THSD4: variants seen among roughly 807,000 people sequenced by gnomAD.
THSD4 encodes the protein thrombospondin type-1 domain-containing protein 4.
In THSD4, 69 loss-of-function variants were observed where a neutral mutation model predicts 119.0. The ratio of observed to expected loss-of-function variants is 0.58; its 90% CI spans 0.48 to 0.71. The LOEUF is 0.71. Ranked by LOEUF, THSD4 falls within the 30% of genes least tolerant of loss-of-function variation. The probability of loss-of-function intolerance (pLI) is 0.00; values close to 1 mark genes in which losing one functional copy is unlikely to be tolerated. For synonymous variants in THSD4, 524 were observed against 540.4 expected, an observed-to-expected ratio of 0.97 and a Z score of 0.42; for missense variants, 1,393 against 1,391.1, an observed-to-expected ratio of 1.00 and a Z score of -0.02.
chr15:71,158,146 A>G (rs1388977639), intron 3 of THSD4, among the ~76,000 whole-genome samples: 2 of 118,832 alleles, frequency 1.7e-5, no homozygotes, highest in African/African-American at 3.1e-5. Context: ...ACCAACACTT[A>G]TCTTTTTTTT....
At chr15:71,407,133 C>T (rs1172019846) in intron 6 of THSD4, among the ~76,000 whole-genome samples, 2 of 152,212 alleles carry the variant, frequency 1.3e-5, no homozygotes, top group Non-Finnish European at 2.9e-5. Flanking sequence ...GCTACTCTAG[C>T]TGCCTTTTGC....
chr15:71,488,720 C>A (rs2047862557), intron 7 of THSD4, among the ~76,000 whole-genome samples: 1 of 151,884 alleles, frequency 6.6e-6, no homozygotes, highest in Non-Finnish European at 1.5e-5. Flanking sequence ...TTTTATGATT[C>A]TTTTCATTTA....
At chr15:71,636,610 A>G (rs1182738360) in intron 7 of THSD4, among the ~76,000 whole-genome samples, 1 of 151,848 alleles carries the variant, frequency 6.6e-6, no homozygotes, top group Non-Finnish European at 1.5e-5. Context: ...AGCTCCCACC[A>G]CCTTCCGCTA....
intron 7 of THSD4, among the ~76,000 whole-genome samples, chr15:71,545,088 T>C (rs540853919): frequency 3.3e-5 from 5 of 152,334 alleles, no homozygotes; most frequent in African/African-American, 9.6e-5. Context: ...TGAATAGTGG[T>C]GATGGCTGCA....
intron 8 of THSD4, among the ~76,000 whole-genome samples, chr15:71,677,387 A>C (rs4776566): frequency 0.17 from 25,732 of 152,234 alleles, 2,333 homozygotes; most frequent in African/African-American, 0.24. Context: ...ACTCTTGTCC[A>C]GAACCAAATA....
chr15:71,665,564 T>C (rs2051401240), intron 8 of THSD4, among the ~76,000 whole-genome samples: 1 of 152,206 alleles, frequency 6.6e-6, no homozygotes, highest in South Asian at 2.1e-4. Context: ...CATCATGAAA[T>C]CCTTGCTAGT....
At chr15:71,266,979 A>T (rs1407716719) in intron 6 of THSD4, among the ~76,000 whole-genome samples, 1 of 152,164 alleles carries the variant, frequency 6.6e-6, no homozygotes, top group Non-Finnish European at 1.5e-5. Context: ...GACCAAACCT[A>T]TGTTTGATTG....
rs564158059 is a variant in THSD4, at chr15:71,334,781, G to A, written c.1016-76906G>A. Among the ~76,000 whole-genome samples, 10 of 152,320 alleles carry A rather than the reference G, an allele frequency of 6.6e-5. No individual in the cohort carries two copies. The East Asian group carries it at 1.9e-3, about 29-fold the overall frequency. The stretch of plus-strand genomic sequence containing the variant: ...ATGTTTGTTGCAGGATAGACCTGTG[G>A]CCCTCATAGTGCTCAGAACTGTCAG... On this transcript the variant is annotated intron_variant, in intron 6 of 17. Coordinates refer to ENST00000261862, the MANE Select transcript of THSD4 (RefSeq NM_024817.3).
chr15:71,529,252 G>A (rs988759729), intron 7 of THSD4, among the ~76,000 whole-genome samples: 11 of 152,184 alleles, frequency 7.2e-5, no homozygotes, highest in African/African-American at 2.7e-4. Context: ...AGCTCTTCAT[G>A]TTAAGCCATG....
intron 7 of THSD4, among the ~76,000 whole-genome samples, chr15:71,559,570 T>TC (rs2049078656): frequency 6.6e-6 from 1 of 151,846 alleles, no homozygotes; most frequent in Non-Finnish European, 1.5e-5. Flanking sequence ...TCCTCCTTTT[T>TC]TTTTTTGCAA....
chr15:71,198,786 C>A lies in THSD4; in HGVS notation c.100-16249C>A, dbSNP rs1250340514. On this transcript the variant is annotated intron_variant, in intron 3 of 17. Coordinates refer to ENST00000261862, the MANE Select transcript of THSD4 (RefSeq NM_024817.3). ...ATGCATGTGGGGACACTCCACCATT[C>A]ACTGAAAGGGATGATCCCTATGTCT... Among the ~76,000 whole-genome samples the A allele has an allele frequency of 2.6e-5, 4 of 152,226 alleles. No individual in the cohort carries two copies. In the East Asian group the frequency reaches 7.7e-4, roughly 29 times the overall value.
intron 11 of THSD4, among the ~76,000 whole-genome samples, chr15:71,743,232 C>G (rs2053270526): frequency 6.6e-6 from 1 of 152,064 alleles, no homozygotes; most frequent in Non-Finnish European, 1.5e-5. Context: ...CCCATCTTCC[C>G]AAGACACAGA....
At chr15:71,260,100 G>GGTA (rs1323411083) in intron 6 of THSD4, among the ~76,000 whole-genome samples, 4 of 152,154 alleles carry the variant, frequency 2.6e-5, no homozygotes, top group Admixed American at 1.3e-4. Flanking sequence ...CTTGAGGTCT[G>GGTA]GTAGATGCAG....
chr15:71,474,721 A>G (rs972241746), intron 7 of THSD4, among the ~76,000 whole-genome samples: 11 of 152,202 alleles, frequency 7.2e-5, no homozygotes, highest in Non-Finnish European at 1.3e-4. Context: ...GTTCAGCCCC[A>G]CATGAGACAG....
At chr15:71,394,465 G>GT (rs1317202289) in intron 6 of THSD4, among the ~76,000 whole-genome samples, 6 of 152,074 alleles carry the variant, frequency 3.9e-5, no homozygotes, top group African/African-American at 1.4e-4. Flanking sequence ...TAGAGACGGT[G>GT]TTTCACCATG....
chr15:71,321,020 C>A (rs2045260234), intron 6 of THSD4, among the ~76,000 whole-genome samples: 1 of 152,138 alleles, frequency 6.6e-6, no homozygotes, highest in African/African-American at 2.4e-5. Flanking sequence ...AACGTTAAAA[C>A]ATTTAAACAG....
chr15:71,459,854 A>T lies in THSD4; in HGVS notation c.1152+48031A>T, dbSNP rs543620551. Among the ~76,000 whole-genome samples the T allele has an allele frequency of 2.0e-3, 297 of 152,304 alleles. 17 individuals are homozygous for T. The South Asian group carries it at 0.06, about 31-fold the overall frequency. Reference sequence around the variant, plus strand: ...TCTAGGGAGATGAGGTATTAGGCAGATAAGCTTTATACATTTAATTTTTTG... The same window carrying T: ...TCTAGGGAGATGAGGTATTAGGCAGTTAAGCTTTATACATTTAATTTTTTG... On this transcript the variant is annotated intron_variant, in intron 7 of 17. Transcript: ENST00000261862.
chr15:71,696,109 T>G (rs1367086391), intron 8 of THSD4, among the ~76,000 whole-genome samples: 3 of 152,218 alleles, frequency 2.0e-5, no homozygotes, highest in African/African-American at 7.2e-5. Flanking sequence ...TGGTACCTTT[T>G]CTTAGGCCAT....
At chr15:71,304,437 AT>A (rs2044994875) in intron 6 of THSD4, among the ~76,000 whole-genome samples, 1 of 152,032 alleles carries the variant, frequency 6.6e-6, no homozygotes. Context: ...CATGGAGAGA[AT>A]AGCATCTCTA....
Sources: gnomAD v4.1 joint callset for allele counts (sites outside exome capture counted in the v4.1 genomes callset) on GRCh38, gnomAD v4.1.1 for gene constraint, MANE v1.5 for transcripts, NCBI Gene and HGNC (gene_info 2026-07-23, HGNC 2026-07-21) for gene names.